CEP83: variants seen among roughly 807,000 people sequenced by gnomAD.
CEP83 encodes the protein centrosomal protein of 83 kDa.
A neutral mutation model predicts 101.9 loss-of-function variants in CEP83; 70 were observed. The ratio of observed to expected loss-of-function variants is 0.69; its 90% CI spans 0.57 to 0.84. CEP83 has a LOEUF of 0.84. CEP83 is among the 40% of genes least tolerant of loss of function. The pLI is 0.00. For synonymous variants in CEP83, 264 were observed against 267.9 expected (o/e 0.99, Z 0.14); for missense variants, 715 against 787.2 (o/e 0.91, Z 1.10).
chr12:94,281,563 G>A, the CEP83 span, among the ~76,000 whole-genome samples: 2 of 150,776 alleles, frequency 1.3e-5, no homozygotes, highest in South Asian at 4.2e-4. Flanking sequence ...CAGATATCCA[G>A]TTTTTTATAT....
intron 1 of CEP83, among the ~76,000 whole-genome samples, chr12:94,458,662 C>A (rs2067891455): frequency 6.6e-6 from 1 of 151,892 alleles, no homozygotes; most frequent in Non-Finnish European, 1.5e-5. Flanking sequence ...CGCTTGAACC[C>A]AGGAGGCGGA....
intron 11 of CEP83, among the ~76,000 whole-genome samples, chr12:94,358,744 T>A (rs1368890417): frequency 6.6e-6 from 1 of 152,190 alleles, no homozygotes; most frequent in Non-Finnish European, 1.5e-5. Context: ...CTGGCCTGAT[T>A]CCTGCAAGAA....
At chr12:94,273,344 G>A in the CEP83 span, among the ~76,000 whole-genome samples, 1 of 152,128 alleles carries the variant, frequency 6.6e-6, no homozygotes, top group East Asian at 1.9e-4. Context: ...CCCAAAGAAG[G>A]TGGGATTTTT....
intron 2 of CEP83, among the ~76,000 whole-genome samples, chr12:94,419,049 A>G (rs2064507128): frequency 6.6e-6 from 1 of 151,952 alleles, no homozygotes. Flanking sequence ...AGAAGGTATA[A>G]AAACTAAAAA....
At chr12:94,331,876 G>A (rs748092881) in intron 13 of CEP83, 47 bp from the exon 14 acceptor site, 7 of 1,549,200 alleles carry the variant, frequency 4.5e-6, no homozygotes, top group Non-Finnish European at 6.2e-6. Context: ...TAAGTTCTTA[G>A]GATTAAATAG....
intron 14 of CEP83, chr12:94,328,446 T>G: frequency 6.5e-6 from 1 of 154,608 alleles, no homozygotes; most frequent in East Asian, 1.9e-4. Flanking sequence ...TTACCCAGCC[T>G]CAGGGAAAAA....
intron 2 of CEP83, among the ~76,000 whole-genome samples, chr12:94,412,953 C>T (rs908386145): frequency 9.2e-5 from 14 of 151,818 alleles, no homozygotes; most frequent in Admixed American, 7.9e-4. Flanking sequence ...CCCGGGTTCA[C>T]GCCATTCTCC....
chr12:94,381,002 C>T (rs2061819439), intron 6 of CEP83, among the ~76,000 whole-genome samples: 1 of 152,174 alleles, frequency 6.6e-6, no homozygotes. Flanking sequence ...TCTTACAAAA[C>T]TGCCATCTAA....
intron 11 of CEP83, among the ~76,000 whole-genome samples, chr12:94,341,968 G>A (rs1025786199): frequency 6.6e-6 from 1 of 152,086 alleles, no homozygotes. Context: ...CCTGGGGAGG[G>A]TCTACCCCTA....
intron 14 of CEP83, among the ~76,000 whole-genome samples, chr12:94,320,540 G>T (rs1476341700): frequency 1.3e-5 from 2 of 151,722 alleles, no homozygotes; most frequent in African/African-American, 4.8e-5. Flanking sequence ...TATATTTAGT[G>T]TTCCTGTCAA....
chr12:94,267,408 C>T, the CEP83 span, among the ~76,000 whole-genome samples: 1 of 145,882 alleles, frequency 6.9e-6, no homozygotes, highest in Non-Finnish European at 1.5e-5. Flanking sequence ...TGTTAACACT[C>T]GACTCATCAT....
chr12:94,301,149 CT>C, the CEP83 span: 115 of 1,044,632 alleles, frequency 1.1e-4, no homozygotes, highest in Admixed American at 3.2e-4. Flanking sequence ...AACAATTGGT[CT>C]AAACTACACC....
chr12:94,313,048 AT>A (rs774313384), intron 14 of CEP83, 31 bp from the exon 15 acceptor site: 4 of 957,672 alleles, frequency 4.2e-6, no homozygotes, highest in African/African-American at 1.7e-5. Flanking sequence ...AAGTATGTTA[AT>A]ACATAATCTC....
At chr12:94,446,649 A>C (rs1321016782) in intron 1 of CEP83, among the ~76,000 whole-genome samples, 5 of 152,144 alleles carry the variant, frequency 3.3e-5, no homozygotes, top group African/African-American at 9.7e-5. Flanking sequence ...TGGAAGCTGC[A>C]CTAAGCTGAG....
At chr12:94,343,993 G>A (rs1238471372) in intron 11 of CEP83, among the ~76,000 whole-genome samples, 2 of 152,200 alleles carry the variant, frequency 1.3e-5, no homozygotes, top group Non-Finnish European at 2.9e-5. Context: ...GGGATGCAAA[G>A]GCACAGAGAA....
chr12:94,343,471 T>C (rs888307971), intron 11 of CEP83, among the ~76,000 whole-genome samples: 49 of 23,946 alleles, frequency 2.0e-3, no homozygotes, highest in Non-Finnish European at 3.3e-3. Context: ...AGAAATTAAC[T>C]TTTTTTTTTT....
downstream of CEP83, chr12:94,305,607 GTGGTTTTGTTTGAAAAC>G (rs1468221002): frequency 4.3e-6 from 1 of 230,450 alleles, no homozygotes; most frequent in East Asian, 1.0e-4. Context: ...AATGATATAA[GTGGTTTTGTTTGAAAAC>G]TACAGCTATG....
intron 1 of CEP83, among the ~76,000 whole-genome samples, chr12:94,439,908 A>G (rs1484719824): frequency 6.6e-6 from 1 of 152,216 alleles, no homozygotes; most frequent in Non-Finnish European, 1.5e-5. Context: ...AATAAATGTA[A>G]TACACCATAT....
intron 4 of CEP83, among the ~76,000 whole-genome samples, chr12:94,407,574 A>T (rs1471189134): frequency 6.6e-6 from 1 of 152,170 alleles, no homozygotes; most frequent in Non-Finnish European, 1.5e-5. Context: ...AGCATACAAC[A>T]GTTTAGGGGT....
Sources: allele counts gnomAD v4.1 joint callset (sites outside exome capture counted in the v4.1 genomes callset), GRCh38; gene constraint gnomAD v4.1.1; transcripts MANE v1.5; gene names NCBI Gene and HGNC (gene_info 2026-07-23, HGNC 2026-07-21).